Variants in GALNTL6 observed in about 807,000 individuals in gnomAD.
GALNTL6 encodes the protein polypeptide N-acetylgalactosaminyltransferase-like 6.
In GALNTL6, 46 loss-of-function variants were observed where a neutral mutation model predicts 73.7. The ratio of observed to expected loss-of-function variants is 0.62; its 90% CI spans 0.49 to 0.80. The LOEUF (loss-of-function observed/expected upper bound fraction) is 0.80, where lower values mean the gene tolerates loss of function less well. GALNTL6 is among the 30% of genes least tolerant of loss of function. GALNTL6 has a pLI of 0.00. For synonymous variants in GALNTL6, 259 were observed against 263.7 expected (o/e 0.98, Z 0.17); for missense variants, 604 against 755.0 (o/e 0.80, Z 2.34).
rs61635359 is a variant in GALNTL6 at position 172,627,550 on chromosome 4, G to A, written c.554-181811G>A. 8.1e-5 allele frequency among the ~76,000 whole-genome samples: 12 copies of A among 149,024 alleles called. No homozygotes were observed. The South Asian group carries it at 1.1e-3, about 13-fold the overall frequency. ...GCCTCTTCCTTGTTTTTTTTTTTTC[G>A]AATAGTTTCAGTGGAATTCGTATCA... is the stretch of plus-strand genomic sequence containing the variant. On this transcript the variant is annotated intron_variant, in intron 5 of 12. Coordinates refer to ENST00000506823, the MANE Select transcript of GALNTL6 (RefSeq NM_001034845.3).
At chr4:172,115,111 ATTC>A (rs1409783560) in intron 2 of GALNTL6, among the ~76,000 whole-genome samples, 2 of 152,192 alleles carry the variant, frequency 1.3e-5, no homozygotes, top group East Asian at 3.9e-4. Flanking sequence ...ACTATCATTT[ATTC>A]TTCTTCCTTT....
At chr4:172,355,293 G>T (rs1742110880) in intron 5 of GALNTL6, among the ~76,000 whole-genome samples, 1 of 151,982 alleles carries the variant, frequency 6.6e-6, no homozygotes, top group African/African-American at 2.4e-5. Context: ...CATGCAAATA[G>T]ACATTTTTTA....
At chr4:172,069,010 T>C (rs1265884378) in intron 2 of GALNTL6, among the ~76,000 whole-genome samples, 1 of 109,102 alleles carries the variant, frequency 9.2e-6, no homozygotes, top group East Asian at 2.1e-4. Context: ...ATGTCAGGTT[T>C]GGTTTGGTTG....
intron 3 of GALNTL6, among the ~76,000 whole-genome samples, chr4:172,254,828 C>A (rs1488899645): frequency 6.6e-6 from 1 of 151,822 alleles, no homozygotes; most frequent in African/African-American, 2.4e-5. Context: ...AAGATATTGT[C>A]TAATCTTCAA....
intron 5 of GALNTL6, among the ~76,000 whole-genome samples, chr4:172,727,994 C>A (rs969164729): frequency 1.3e-5 from 2 of 151,912 alleles, no homozygotes; most frequent in African/African-American, 4.8e-5. Flanking sequence ...CTCACTGCAA[C>A]CTCCGCCTCC....
chr4:172,625,123 G>T (rs771683629), intron 5 of GALNTL6, among the ~76,000 whole-genome samples: 15 of 151,794 alleles, frequency 9.9e-5, no homozygotes, highest in Non-Finnish European at 1.6e-4. Context: ...CTCACTACAT[G>T]CTGCCTACAT....
chr4:172,617,469 G>A (rs1409090083), intron 5 of GALNTL6, among the ~76,000 whole-genome samples: 1 of 150,440 alleles, frequency 6.6e-6, no homozygotes, highest in Non-Finnish European at 1.5e-5. Context: ...TTTATTTTAT[G>A]TGTTTTTATT....
intron 5 of GALNTL6, among the ~76,000 whole-genome samples, chr4:172,607,086 G>T (rs1028747918): frequency 1.2e-4 from 19 of 152,032 alleles, no homozygotes; most frequent in African/African-American, 4.6e-4. Context: ...ATGTATAAAT[G>T]ATATTTGAAG....
intron 5 of GALNTL6, among the ~76,000 whole-genome samples, chr4:172,677,016 A>G (rs1732340959): frequency 6.6e-6 from 1 of 152,224 alleles, no homozygotes; most frequent in Non-Finnish European, 1.5e-5. Context: ...GAATCTGTGC[A>G]AGCTTTGGTT....
intron 5 of GALNTL6, among the ~76,000 whole-genome samples, chr4:172,500,626 C>G (rs1734227828): frequency 6.7e-6 from 1 of 148,228 alleles, no homozygotes; most frequent in South Asian, 2.1e-4. Context: ...AAATAATGTT[C>G]AGGAAAAAAA....
At chr4:172,546,473 A>T (rs1359875883) in intron 5 of GALNTL6, among the ~76,000 whole-genome samples, 1 of 129,322 alleles carries the variant, frequency 7.7e-6, no homozygotes, top group African/African-American at 3.0e-5. Flanking sequence ...TCTATAAAAA[A>T]TAATAAATAA....
At chr4:172,561,063 C>G (rs1579190092) in intron 5 of GALNTL6, among the ~76,000 whole-genome samples, 1 of 151,324 alleles carries the variant, frequency 6.6e-6, no homozygotes, top group African/African-American at 2.4e-5. Context: ...ACCATCCTGG[C>G]TAACAAGGTG....
intron 5 of GALNTL6, among the ~76,000 whole-genome samples, chr4:172,756,073 T>C (rs2110802627): frequency 6.6e-6 from 1 of 152,194 alleles, no homozygotes; most frequent in East Asian, 1.9e-4. Flanking sequence ...ACCAAAGAGG[T>C]AGTAATCAAT....
At chr4:172,591,340 T>A (rs1737627872) in intron 5 of GALNTL6, among the ~76,000 whole-genome samples, 1 of 152,172 alleles carries the variant, frequency 6.6e-6, no homozygotes, top group South Asian at 2.1e-4. Flanking sequence ...TTTCATACAA[T>A]CCGCCTTCAT....
At chr4:172,722,065 G>A (rs547414916) in intron 5 of GALNTL6, among the ~76,000 whole-genome samples, 1 of 151,408 alleles carries the variant, frequency 6.6e-6, no homozygotes, top group Non-Finnish European at 1.5e-5. Context: ...TAATGATGTG[G>A]CTCCTTTCTG....
chr4:172,958,609 G>A (rs910314546), intron 10 of GALNTL6, among the ~76,000 whole-genome samples: 1 of 152,230 alleles, frequency 6.6e-6, no homozygotes, highest in African/African-American at 2.4e-5. Context: ...GTTGGGGTTT[G>A]AGAGATCAGT....
intron 2 of GALNTL6, among the ~76,000 whole-genome samples, chr4:172,056,957 T>A (rs1731035003): frequency 6.6e-6 from 1 of 152,146 alleles, no homozygotes; most frequent in Non-Finnish European, 1.5e-5. Context: ...TTAAAATATT[T>A]TAATGTTACA....
At chr4:173,024,660 C>T (rs1753160034) in intron 12 of GALNTL6, among the ~76,000 whole-genome samples, 1 of 152,178 alleles carries the variant, frequency 6.6e-6, no homozygotes, top group Non-Finnish European at 1.5e-5. Flanking sequence ...CGGCTCACTG[C>T]AACCTCCTTT....
chr4:172,407,464 T>A (rs1268895633), intron 5 of GALNTL6, among the ~76,000 whole-genome samples: 1 of 152,120 alleles, frequency 6.6e-6, no homozygotes, highest in Non-Finnish European at 1.5e-5. Flanking sequence ...ATGTCTACTA[T>A]GTGCAAATGT....
Sources: gnomAD v4.1 joint callset for allele counts (sites outside exome capture counted in the v4.1 genomes callset) on GRCh38, gnomAD v4.1.1 for gene constraint, MANE v1.5 for transcripts, NCBI Gene and HGNC (gene_info 2026-07-23, HGNC 2026-07-21) for gene names.